Variants in TET3 observed in about 807,000 individuals in gnomAD.
TET3 encodes the protein methylcytosine dioxygenase TET3.
TET3 carries 19 observed loss-of-function variants against 141.4 expected under a neutral mutation model. That is an observed-to-expected ratio of 0.13 (90% CI 0.09 to 0.20). The LOEUF is 0.20. TET3 is among the 10% of genes least tolerant of loss of function. The probability of loss-of-function intolerance (pLI) is 1.00; values close to 1 mark genes in which losing one functional copy is unlikely to be tolerated. For synonymous variants in TET3, 1,043 were observed against 980.9 expected (o/e 1.06, Z -1.18); for missense variants, 1,874 against 2,356.9 (o/e 0.80, Z 4.24).
intron 3 of TET3, among the ~76,000 whole-genome samples, chr2:74,019,994 G>A (rs34493480): frequency 0.043 from 6,588 of 152,308 alleles, 189 homozygotes; most frequent in Middle Eastern, 0.092. Flanking sequence ...GACTCATCAA[G>A]GCTGGAAGCA....
Position 74,047,076 on chromosome 2 carries a change from G to C in TET3, c.1159G>C (p.Ala387Pro). The C allele has an allele frequency of 6.2e-7, 1 of 1,613,842 alleles. No homozygotes were observed. The highest frequency in any genetic ancestry group is 8.5e-7 in the Non-Finnish European group (1 of 1,179,846). Residue 387 changes from alanine (A) to proline (P), a missense_variant, in exon 4 of 12, where the codon GCC becomes CCC. This residue lies in a region of TET3 where 484 missense variants were observed against 462.2 expected (regional missense o/e 1.05). Transcript: ENST00000409262. ...CCAGGCTTCTTGCCCCCTTCCTGAG[G>C]CCTTGTCACCTCCTGCCCCTTTCAG... is the stretch of plus-strand genomic sequence containing the variant. ...TPQASCPLPE[A>P]LSPPAPFRSP...
At chr2:74,032,491 G>GCGCGCGCGCGCGCGCGA in intron 3 of TET3, among the ~76,000 whole-genome samples, 1 of 150,868 alleles carries the variant, frequency 6.6e-6, no homozygotes, top group African/African-American at 2.4e-5. Context: ...GTGTGTGTGT[G>GCGCGCGCGCGCGCGCGA]TGTGTGTGTG....
rs1691292294 is a variant in TET3 at position 74,102,628 on chromosome 2, A to C, written c.*452A>C. ...TTAAAAGCGACAATAGTAATGGTAA[A>C]GGATGGGCAGGAAAGGCCAGTAGTG... is the stretch of plus-strand genomic sequence containing the variant. On this transcript the variant is annotated 3_prime_UTR_variant, in exon 12 of 12. Transcript: ENST00000409262. 1 of 152,232 alleles carries C rather than the reference A, an allele frequency of 6.6e-6. No individual in the cohort carries two copies. The highest frequency in any genetic ancestry group is 1.5e-5 in the Non-Finnish European group (1 of 68,050). 9.4% of individuals were successfully genotyped at this position (152,232 alleles called of 1,614,324 possible).
chr2:74,053,107 A>C (rs1228107662), intron 4 of TET3, among the ~76,000 whole-genome samples: 1 of 152,356 alleles, frequency 6.6e-6, no homozygotes, highest in South Asian at 2.1e-4. Context: ...CTTATAAGCT[A>C]TGAAAGGAAA....
intron 4 of TET3, among the ~76,000 whole-genome samples, chr2:74,061,379 C>T (rs537885853): frequency 1.7e-4 from 24 of 143,194 alleles, no homozygotes; most frequent in Admixed American, 1.0e-3. Context: ...GCTGACCCCC[C>T]CACCTCCCTC....
At chr2:74,073,097 T>C (rs549354475) in intron 4 of TET3, among the ~76,000 whole-genome samples, 174 of 152,356 alleles carry the variant, frequency 1.1e-3, no homozygotes, top group African/African-American at 4.1e-3. Flanking sequence ...TTCAGTTTGA[T>C]TGGGTATTTA....
At chr2:74,097,091 CAAAAAGAAA>C (rs1690879109) in intron 10 of TET3, among the ~76,000 whole-genome samples, 4 of 116,104 alleles carry the variant, frequency 3.4e-5, no homozygotes, top group South Asian at 5.9e-4. Flanking sequence ...GACCTTATCT[CAAAAAGAAA>C]AAGAAGAAAA....
At chr2:74,060,041 A>G (rs1473399123) in intron 4 of TET3, among the ~76,000 whole-genome samples, 1 of 152,076 alleles carries the variant, frequency 6.6e-6, no homozygotes, top group Non-Finnish European at 1.5e-5. Context: ...ATACTTAGGT[A>G]TTTACCTAGG....
intron 2 of TET3, among the ~76,000 whole-genome samples, chr2:73,991,726 A>G (rs768694220): frequency 6.8e-6 from 1 of 147,876 alleles, no homozygotes; most frequent in Non-Finnish European, 1.5e-5. Context: ...AATCCCTTGA[A>G]CCCAGGAGGC....
the TET3 span, among the ~76,000 whole-genome samples, chr2:74,128,717 C>T: frequency 4.6e-5 from 7 of 151,054 alleles, no homozygotes; most frequent in East Asian, 1.2e-3. Flanking sequence ...AAAGGCTGGG[C>T]TTATGCTTGT....
intron 10 of TET3, among the ~76,000 whole-genome samples, chr2:74,098,904 G>GA (rs1691002018): frequency 6.6e-6 from 1 of 152,210 alleles, no homozygotes. Flanking sequence ...TTAGAACAAG[G>GA]AAGATAATGG....
At chr2:74,100,142 G>A (rs1308600508) in intron 11 of TET3, among the ~76,000 whole-genome samples, 1 of 152,078 alleles carries the variant, frequency 6.6e-6, no homozygotes, top group Non-Finnish European at 1.5e-5. Flanking sequence ...TGTGGACCCC[G>A]CATGAGGTGC....
intron 4 of TET3, among the ~76,000 whole-genome samples, chr2:74,058,588 A>T (rs1393854666): frequency 2.0e-5 from 3 of 152,068 alleles, no homozygotes; most frequent in Non-Finnish European, 2.9e-5. Flanking sequence ...TAATTTTTAA[A>T]TTTTTTTCTT....
rs1383414494 is a variant in TET3, at chr2:74,048,019, C to T, written c.2102C>T (p.Pro701Leu). 9 of 1,609,202 alleles carry T rather than the reference C, an allele frequency of 5.6e-6. No individual in the cohort carries two copies. In the South Asian group the frequency reaches 1.0e-4, roughly 18 times the overall value. ...CAGCCAGGCTCCACTGGCCCTCTTC[C>T]CCCTGCCGATGACAAGCTGGAAGAG... ...ALQPGSTGPL[P>L]PADDKLEELI... The change falls in exon 4 of 12, where the codon CCC becomes CTC. Residue 701 changes from proline (P) to leucine (L), a missense_variant. Transcript: ENST00000409262.
intron 3 of TET3, among the ~76,000 whole-genome samples, chr2:74,014,371 C>T (rs1251596585): frequency 3.3e-5 from 5 of 152,098 alleles, no homozygotes; most frequent in African/African-American, 9.6e-5. Context: ...ATGAGAATTC[C>T]GAGCCCCGAT....
rs1247681457 is a variant in TET3, at chr2:74,099,453, G to A, written c.3445G>A (p.Val1149Ile). ...IQVLTAFPRE[V>I]RRLPEPAKSC... ...GGTGCTCACCGCCTTCCCCCGCGAG[G>A]TCCGACGCCTGCCCGAGCCTGCCAA... The change falls in exon 11 of 12, where the codon GTC becomes ATC. Residue 1149 changes from valine (V) to isoleucine (I), a missense_variant. Physicochemically the swap from Val to Ile is conservative, Grantham distance 29 (BLOSUM62 3). Around this residue, in one of 10 missense-constraint regions of TET3, gnomAD observed 53 missense variants for 112.8 expected, o/e 0.47. Transcript: ENST00000409262. 1 of 1,613,898 alleles carries A rather than the reference G, an allele frequency of 6.2e-7. No individual in the cohort carries two copies. Among genetic ancestry groups the A allele is most frequent in the East Asian group, 2.2e-5 (1 of 44,874 alleles).
chr2:73,986,342 G>A lies in TET3; in HGVS notation c.-62G>A, dbSNP rs1684025201. On this transcript the variant is annotated 5_prime_UTR_variant, in exon 2 of 12. Coordinates refer to ENST00000409262, the MANE Select transcript of TET3 (RefSeq NM_001287491.2). ...GAGAAGGACCTGTTGGTGGCCTTTG[G>A]AGGTGGCAGGAAACGACTGTGGTTC... 4 of 1,225,796 alleles carry A rather than the reference G, an allele frequency of 3.3e-6. No individual in the cohort carries two copies. The highest frequency in any genetic ancestry group is 6.2e-4 in the Middle Eastern group (2 of 3,218). The allele number at this position is 1,225,796 out of a possible 1,614,324, so 75.9% of individuals were successfully genotyped here.
At chr2:74,013,575 C>T (rs1028687762) in intron 3 of TET3, among the ~76,000 whole-genome samples, 11 of 151,694 alleles carry the variant, frequency 7.3e-5, no homozygotes, top group African/African-American at 2.7e-4. Context: ...TTTGGGAGGC[C>T]GAGGTGGGTG....
intron 4 of TET3, among the ~76,000 whole-genome samples, chr2:74,069,031 T>C (rs1689056106): frequency 6.6e-6 from 1 of 152,168 alleles, no homozygotes; most frequent in African/African-American, 2.4e-5. Flanking sequence ...CAGGGTTTTA[T>C]TTATTTATTT....
Sources: gnomAD v4.1 joint callset for allele counts (sites outside exome capture counted in the v4.1 genomes callset) on GRCh38, gnomAD v4.1.1 for gene constraint, gnomAD v4.1.1 regional missense constraint, MANE v1.5 for transcripts, NCBI Gene and HGNC (gene_info 2026-07-23, HGNC 2026-07-21) for gene names.